Variants in BCL9L observed in about 807,000 individuals in gnomAD.
The protein encoded by BCL9L is BCL9 like, also known as B-cell CLL/lymphoma 9-like protein.
A neutral mutation model predicts 99.4 loss-of-function variants in BCL9L; 19 were observed. That is an observed-to-expected ratio of 0.19 (90% CI 0.13 to 0.28). BCL9L has a LOEUF of 0.28. Ranked by LOEUF, BCL9L falls within the 10% of genes least tolerant of loss-of-function variation. The pLI, the probability that BCL9L is intolerant of heterozygous loss-of-function variation, is 1.00. For missense variants in BCL9L, 2,023 were observed against 2,101.6 expected, an observed-to-expected ratio of 0.96 and a Z score of 0.73; for synonymous variants, 900 against 854.8, an observed-to-expected ratio of 1.05 and a Z score of -0.92.
At position 118,901,913 on chromosome 11, in the gene BCL9L, C is replaced by T; in HGVS notation, c.1830G>A (p.Arg610=). 1.2e-6 allele frequency: 2 copies of T among 1,613,680 alleles called. No homozygotes were observed. The highest frequency in any genetic ancestry group is 1.7e-6 in the Non-Finnish European group (2 of 1,179,800). ...TCTGCATGCCCCCAAACCCAGGTAC[C>T]CGTTGTATCTGGTTGCCTGGGAAAC... ...GPRFPGNQIQ[R]VPGFGGMQSM... Residue 610 remains arginine (R), a synonymous_variant, in exon 8 of 10, where the codon CGG becomes CGA. Transcript: ENST00000683865. This position sits in a 1 kb window ranked among gnomAD's most constrained non-coding sequence, Gnocchi z 6.6.
At chr11:118,910,932 G>T in intron 2 of BCL9L, 1 of 127,622 alleles carries the variant, frequency 7.8e-6, no homozygotes, top group South Asian at 4.8e-5. Context: ...GGCGCGCCGA[G>T]GCCAGGGAAG....
rs751248839 is a variant in BCL9L, at chr11:118,901,948, G to A, written c.1795C>T (p.Pro599Ser). The change falls in exon 8 of 10, where the codon CCT becomes TCT. Residue 599 changes from proline (P) to serine (S), a missense_variant. Around this residue, in one of 3 missense-constraint regions of BCL9L, gnomAD observed 1,116 missense variants for 1,194.6 expected, o/e 0.93. Transcript: ENST00000683865. The surrounding 1 kb of genome is among the most constrained non-coding windows in gnomAD (Gnocchi z 6.6). ...TGGTTGCCTGGGAAACGGGGCCCAG[G>A]AAAGGGAGGTCCGCCCCGGAGCTGC... ...PMQLRGGPPF[P>S]GPRFPGNQIQ... The A allele has an allele frequency of 6.8e-6, 11 of 1,613,054 alleles. No homozygotes were observed. In the African/African-American group the frequency reaches 1.2e-4, roughly 18 times the overall value.
chr11:118,904,318 G>A (rs1051443947), intron 5 of BCL9L, among the ~76,000 whole-genome samples: 1 of 152,092 alleles, frequency 6.6e-6, no homozygotes, highest in Non-Finnish European at 1.5e-5. Flanking sequence ...GCGCATGGCT[G>A]TAATCCCGCT....
chr11:118,921,538 G>A lies in BCL9L; in HGVS notation c.-130-2659C>T, dbSNP rs1345617090. ...GAGGAGGGGAAGACGGGCCAGCCCAGGGCTACCAGTCCATTGGAGGAGGAA... is the reference window on the plus strand; with the variant it reads ...GAGGAGGGGAAGACGGGCCAGCCCAAGGCTACCAGTCCATTGGAGGAGGAA... On this transcript the variant is annotated intron_variant, in intron 1 of 9. Coordinates refer to ENST00000683865, the MANE Select transcript of BCL9L (RefSeq NM_001378213.1). The surrounding 1 kb of genome is among the most constrained non-coding windows in gnomAD (Gnocchi z 5.4). Among the ~76,000 whole-genome samples the A allele has an allele frequency of 6.6e-6, 1 of 152,082 alleles. No individual in the cohort carries two copies. The highest frequency in any genetic ancestry group is 2.4e-5 in the African/African-American group (1 of 41,390).
At chr11:118,907,695 C>G (rs1940584910) in intron 4 of BCL9L, 93 bp from the exon 5 acceptor site, 29 of 1,548,168 alleles carry the variant, frequency 1.9e-5, no homozygotes, top group Non-Finnish European at 2.5e-5. Context: ...CTCTAAGATG[C>G]CCCACCCTAG....
chr11:118,912,779 G>A (rs1003795969), intron 2 of BCL9L, among the ~76,000 whole-genome samples: 3 of 152,192 alleles, frequency 2.0e-5, no homozygotes, highest in African/African-American at 7.2e-5. Flanking sequence ...AAGAGGCAGT[G>A]AGGAAATGTT....
chr11:118,899,153 G>A lies in BCL9L; in HGVS notation c.3762C>T (p.His1254=). The A allele has an allele frequency of 6.7e-7, 1 of 1,503,626 alleles. No individual in the cohort carries two copies. Among genetic ancestry groups the A allele is most frequent in the South Asian group, 1.3e-5 (1 of 75,454 alleles). The allele number at this position is 1,503,626 out of a possible 1,614,324, so 93.1% of individuals were successfully genotyped here. A position where few individuals can be genotyped will look rare whatever the true frequency, so the allele number is the denominator to read the frequency against. ...GGGGGPGLQQ[H]YPSGMALPPE... ...GAGGCAGGGCCATGCCTGACGGGTA[G>A]TGCTGCTGCAGGCCAGGCCCCCCGC... Residue 1254 remains histidine (H), a synonymous_variant, in exon 10 of 10, where the codon CAC becomes CAT. Transcript: ENST00000683865.
Position 118,898,876 on chromosome 11 carries a change from T to C in BCL9L, c.4039A>G (p.Asn1347Asp). ...STLQYFPKSE[N>D]QPPKAQPPNL... ...GGGGGCTGAGCCTTGGGGGGCTGGTTCTCGCTCTTGGGGAAGTACTGGAGG... is the reference window on the plus strand; with the variant it reads ...GGGGGCTGAGCCTTGGGGGGCTGGTCCTCGCTCTTGGGGAAGTACTGGAGG... The change falls in exon 10 of 10, where the codon AAC (asparagine) becomes GAC (aspartate). Residue 1347 changes from asparagine (N) to aspartate (D), a missense_variant. Physicochemically the swap from Asn to Asp is conservative, Grantham distance 23 (BLOSUM62 1). Transcript: ENST00000683865. 6 of 1,614,068 alleles carry C rather than the reference T, an allele frequency of 3.7e-6. No homozygotes were observed. Among genetic ancestry groups the C allele is most frequent in the Non-Finnish European group, 5.1e-6 (6 of 1,179,974 alleles).
rs751879568 is a variant in BCL9L at position 118,899,912 on chromosome 11, C to T, written c.3406+5G>A. On this transcript the variant is annotated splice_donor_5th_base_variant and intron_variant, in intron 9 of 9. Coordinates refer to ENST00000683865, the MANE Select transcript of BCL9L (RefSeq NM_001378213.1). The stretch of plus-strand genomic sequence containing the variant: ...CCTCCCTGGGGCCCTGGCCTGTCCT[C>T]GCACCTGGCCCGGAGCCCTGCGGTG... The T allele has an allele frequency of 9.6e-5, 155 of 1,610,748 alleles. No homozygotes were observed. Among genetic ancestry groups the T allele is most frequent in the Non-Finnish European group, 1.3e-4 (149 of 1,178,908 alleles).
rs1263311595 is a variant in BCL9L, at chr11:118,898,670, G to A, written c.4245C>T (p.Gly1415=). The A allele has an allele frequency of 3.1e-6, 5 of 1,611,220 alleles. No homozygotes were observed. In the African/African-American group the frequency reaches 5.3e-5, roughly 17 times the overall value. Residue 1415 remains glycine, a synonymous_variant, in exon 10 of 10, where the codon GGC becomes GGT. Transcript: ENST00000683865. ...GAGGGGACATGACCCCCTGGTGCAG[G>A]CCATGGGGCACCATCCCCTGCTGTG... ...VPPQQGMVPH[G]LHQGVMSPPQ... is the part of the protein sequence containing the mutation.
intron 1 of BCL9L, among the ~76,000 whole-genome samples, chr11:118,920,032 T>G (rs910029783): frequency 1.3e-5 from 2 of 152,050 alleles, no homozygotes; most frequent in Non-Finnish European, 2.9e-5. Context: ...CCACTGGGGG[T>G]GGGGACGTAA....
rs1476423980 is a variant in BCL9L, at chr11:118,900,524, A to G, written c.3124+95T>C. On this transcript the variant is annotated intron_variant, in intron 8 of 9. Coordinates refer to ENST00000683865, the MANE Select transcript of BCL9L (RefSeq NM_001378213.1). The surrounding 1 kb of genome is among the most constrained non-coding windows in gnomAD (Gnocchi z 5.3). The stretch of plus-strand genomic sequence containing the variant: ...CCATCCACCTCTGGGCCCGTGGTAC[A>G]CAGGCCCTTACTCACTCACTGCCCA... 3 of 1,499,086 alleles carry G rather than the reference A, an allele frequency of 2.0e-6. No individual in the cohort carries two copies. The East Asian group carries it at 6.9e-5, about 34-fold the overall frequency. The allele number at this position is 1,499,086 out of a possible 1,614,324, so 92.9% of individuals were successfully genotyped here.
At chr11:118,905,218 C>G (rs1036163902) in intron 5 of BCL9L, among the ~76,000 whole-genome samples, 4 of 152,114 alleles carry the variant, frequency 2.6e-5, no homozygotes, top group Non-Finnish European at 5.9e-5. Flanking sequence ...CTTCAAGAAT[C>G]TAAGGGCAGG....
At chr11:118,906,546 G>C (rs1378933399) in intron 5 of BCL9L, among the ~76,000 whole-genome samples, 2 of 152,196 alleles carry the variant, frequency 1.3e-5, no homozygotes, top group Non-Finnish European at 2.9e-5. Context: ...GCTGTTGTAA[G>C]GATTAAATAA....
In BCL9L at chr11:118,914,827, G is replaced by A. The variant is rs1489277036; in HGVS notation, c.-77+3999C>T. 1.3e-5 allele frequency among the ~76,000 whole-genome samples: 2 copies of A among 152,206 alleles called. No individual in the cohort carries two copies. The highest frequency in any genetic ancestry group is 1.9e-4 in the East Asian group (1 of 5,200). On this transcript the variant is annotated intron_variant, in intron 2 of 9. Coordinates refer to ENST00000683865, the MANE Select transcript of BCL9L (RefSeq NM_001378213.1). The surrounding 1 kb of genome is among the most constrained non-coding windows in gnomAD (Gnocchi z 4.4). ...AGGTTGGGGCCCTGGCAGGCAGTAT[G>A]ATGCAGTGGAATAAGAACTGAGTTT...
At chr11:118,908,856 G>A (rs536764559) in intron 3 of BCL9L, among the ~76,000 whole-genome samples, 3 of 152,212 alleles carry the variant, frequency 2.0e-5, no homozygotes, top group South Asian at 4.1e-4. Flanking sequence ...CCACCTTGGG[G>A]AGTGGAGATG....
chr11:118,916,804 T>G (rs563763221), intron 2 of BCL9L, among the ~76,000 whole-genome samples: 3 of 152,294 alleles, frequency 2.0e-5, no homozygotes, highest in African/African-American at 7.2e-5. Context: ...TCCTAACAGC[T>G]GCCATCCAGG....
chr11:118,918,379 C>G (rs1415192964), intron 2 of BCL9L, among the ~76,000 whole-genome samples: 1 of 152,124 alleles, frequency 6.6e-6, no homozygotes, highest in Non-Finnish European at 1.5e-5. Context: ...CTGGTAGCCA[C>G]CCTGGCTTTG....
chr11:118,899,656 G>T, intron 9 of BCL9L, 148 bp from the exon 10 acceptor site: 1 of 1,161,946 alleles, frequency 8.6e-7, no homozygotes, highest in Non-Finnish European at 1.2e-6. Flanking sequence ...GGAAGGGACT[G>T]GAGGCATTGA....
Sources: gnomAD v4.1 joint callset for allele counts (sites outside exome capture counted in the v4.1 genomes callset) on GRCh38, gnomAD v4.1.1 for gene constraint, gnomAD v4.1.1 regional missense constraint, Gnocchi (gnomAD v3.1) non-coding constraint, MANE v1.5 for transcripts, NCBI Gene and HGNC (gene_info 2026-07-23, HGNC 2026-07-21) for gene names.